Variants in GRK5 observed in about 807,000 individuals in gnomAD.
GRK5 encodes the protein g protein-coupled receptor kinase GRK5.
Under a neutral mutation model 78.4 loss-of-function variants are expected in GRK5, and 40 were observed. That is an observed-to-expected ratio of 0.51 (90% CI 0.40 to 0.66). The LOEUF (loss-of-function observed/expected upper bound fraction) is 0.66. Ranked by LOEUF, GRK5 falls within the 30% of genes least tolerant of loss-of-function variation. GRK5 has a pLI of 0.00. For missense variants in GRK5, 598 were observed against 759.9 expected (o/e 0.79, Z 2.50); for synonymous variants, 289 against 296.8 (o/e 0.97, Z 0.27).
rs1400610243 is a variant in GRK5, at chr10:119,271,708, T to C, written c.53-54808T>C. On this transcript the variant is annotated intron_variant, in intron 1 of 15. Coordinates refer to ENST00000392870, the MANE Select transcript of GRK5 (RefSeq NM_005308.3). This position sits in a 1 kb window ranked among gnomAD's most constrained non-coding sequence, Gnocchi z 4.1. ...GACTCGTCAGGGAAAAACAGGTGTGTGAGCACTAGGTTGGTGACGAGGTTT... is the reference window on the plus strand; with the variant it reads ...GACTCGTCAGGGAAAAACAGGTGTGCGAGCACTAGGTTGGTGACGAGGTTT... 2.0e-5 allele frequency among the ~76,000 whole-genome samples: 3 copies of C among 152,148 alleles called. No homozygotes were observed. The highest frequency in any genetic ancestry group is 4.4e-5 in the Non-Finnish European group (3 of 68,004).
At chr10:119,357,677 T>G (rs1851285023) in intron 2 of GRK5, among the ~76,000 whole-genome samples, 1 of 152,242 alleles carries the variant, frequency 6.6e-6, no homozygotes, top group Non-Finnish European at 1.5e-5. Flanking sequence ...GCCCCACCAT[T>G]GACAGCTTTG....
intron 1 of GRK5, chr10:119,212,751 A>G (rs1848508556): frequency 1.3e-5 from 2 of 152,252 alleles, no homozygotes; most frequent in Admixed American, 1.3e-4. Flanking sequence ...AACTTGAGAA[A>G]ACAGAAAGTG....
chr10:119,316,937 C>T (rs2133749607), intron 1 of GRK5, among the ~76,000 whole-genome samples: 1 of 152,334 alleles, frequency 6.6e-6, no homozygotes, highest in Non-Finnish European at 1.5e-5. Context: ...GTCTCTCTGA[C>T]ATGCCCAGCC....
intron 1 of GRK5, among the ~76,000 whole-genome samples, chr10:119,256,567 C>T (rs532354181): frequency 5.6e-4 from 86 of 152,224 alleles, no homozygotes; most frequent in Non-Finnish European, 5.0e-4. Context: ...GAAGGGGAGG[C>T]CCTGGGCCAC....
intron 6 of GRK5, among the ~76,000 whole-genome samples, chr10:119,427,581 CCATCATCAG>C (rs1240240842): frequency 1.3e-5 from 2 of 152,152 alleles, no homozygotes; most frequent in African/African-American, 2.4e-5. Flanking sequence ...AGCATCACCA[CCATCATCAG>C]CATCATCACC....
chr10:119,244,557 C>T (rs1051014504), intron 1 of GRK5, among the ~76,000 whole-genome samples: 83 of 152,304 alleles, frequency 5.4e-4, no homozygotes, highest in African/African-American at 1.9e-3. Context: ...CAAAGTGAGA[C>T]CCCCATCTCT....
At chr10:119,365,435 C>T (rs932051435) in intron 2 of GRK5, among the ~76,000 whole-genome samples, 1 of 152,230 alleles carries the variant, frequency 6.6e-6, no homozygotes, top group Admixed American at 6.5e-5. Flanking sequence ...CACAGGCCTT[C>T]AGGCTGACAG....
At chr10:119,394,846 T>C (rs893812031) in intron 3 of GRK5, among the ~76,000 whole-genome samples, 5 of 151,766 alleles carry the variant, frequency 3.3e-5, no homozygotes, top group African/African-American at 1.2e-4. Context: ...TGGGCACGTG[T>C]GTGTGCACAC....
chr10:119,293,228 G>A (rs1274223835), intron 1 of GRK5, among the ~76,000 whole-genome samples: 2 of 152,204 alleles, frequency 1.3e-5, no homozygotes, highest in East Asian at 3.8e-4. Context: ...ACAGACAAGA[G>A]ACTTGAGGTG....
intron 2 of GRK5, among the ~76,000 whole-genome samples, chr10:119,344,438 T>A (rs929153346): frequency 1.3e-5 from 2 of 152,234 alleles, no homozygotes; most frequent in African/African-American, 4.8e-5. Flanking sequence ...TGTTTGGTTT[T>A]CTGTCCTTGC....
At chr10:119,346,463 A>G (rs1350972284) in intron 2 of GRK5, among the ~76,000 whole-genome samples, 2 of 152,228 alleles carry the variant, frequency 1.3e-5, no homozygotes, top group East Asian at 3.9e-4. Context: ...AAAAAGCCCC[A>G]TGGGGCCAGG....
rs114351374 is a variant in GRK5, at chr10:119,362,687, A to G, written c.149-18128A>G. On this transcript the variant is annotated intron_variant, in intron 2 of 15. Coordinates refer to ENST00000392870, the MANE Select transcript of GRK5 (RefSeq NM_005308.3). ...TTTGGGGACCTTAATTCCTCTGGGAAACTCCTCTCTTTGCTGAGTGCTGGG... is the reference window on the plus strand; with the variant it reads ...TTTGGGGACCTTAATTCCTCTGGGAGACTCCTCTCTTTGCTGAGTGCTGGG... 3.9e-3 allele frequency among the ~76,000 whole-genome samples: 589 copies of G among 152,306 alleles called. 3 individuals carry two copies. The highest frequency in any genetic ancestry group is 0.013 in the African/African-American group (548 of 41,556).
chr10:119,342,896 C>T (rs1236878743), intron 2 of GRK5, among the ~76,000 whole-genome samples: 1 of 152,136 alleles, frequency 6.6e-6, no homozygotes, highest in Non-Finnish European at 1.5e-5. Context: ...CTGAAAGGCA[C>T]CCCCCAACGC....
intron 3 of GRK5, among the ~76,000 whole-genome samples, chr10:119,390,196 C>T (rs1300255547): frequency 3.3e-5 from 5 of 152,042 alleles, no homozygotes; most frequent in African/African-American, 9.7e-5. Context: ...TGGCACAGCC[C>T]GTCTGTATTA....
At chr10:119,227,387 C>T (rs995716787) in intron 1 of GRK5, among the ~76,000 whole-genome samples, 2 of 151,950 alleles carry the variant, frequency 1.3e-5, no homozygotes, top group Admixed American at 6.6e-5. Context: ...GGCAATATGG[C>T]GAAACTCCAT....
intron 2 of GRK5, among the ~76,000 whole-genome samples, chr10:119,330,554 A>T (rs1023402491): frequency 2.0e-5 from 3 of 152,150 alleles, no homozygotes; most frequent in African/African-American, 7.2e-5. Context: ...GAGGATGCGG[A>T]CATTCAGTCC....
chr10:119,423,052 C>A, intron 4 of GRK5, 114 bp from the exon 5 acceptor site: 1 of 728,832 alleles, frequency 1.4e-6, no homozygotes, highest in South Asian at 1.5e-5. Context: ...GACGGGCTGC[C>A]AGATGTACCA....
chr10:119,246,660 A>T (rs966201367), intron 1 of GRK5, among the ~76,000 whole-genome samples: 2 of 152,218 alleles, frequency 1.3e-5, no homozygotes, highest in Admixed American at 1.3e-4. Flanking sequence ...GGAGGCCACA[A>T]TGAGATGGCC....
At chr10:119,373,736 A>G (rs1851581769) in intron 2 of GRK5, among the ~76,000 whole-genome samples, 1 of 152,240 alleles carries the variant, frequency 6.6e-6, no homozygotes, top group African/African-American at 2.4e-5. Flanking sequence ...TGACACAGAC[A>G]GGAAGTTCGC....
Sources: gnomAD v4.1 joint callset for allele counts (sites outside exome capture counted in the v4.1 genomes callset) on GRCh38, gnomAD v4.1.1 for gene constraint, Gnocchi (gnomAD v3.1) non-coding constraint, MANE v1.5 for transcripts, NCBI Gene and HGNC (gene_info 2026-07-23, HGNC 2026-07-21) for gene names.